The following SACS variants were observed in gnomAD, a reference collection of about 807,000 sequenced individuals.
SACS encodes sacsin.
In SACS, 197 loss-of-function variants were observed where a neutral mutation model predicts 348.0. That is an observed-to-expected ratio of 0.57 (90% CI 0.50 to 0.64). SACS has a LOEUF of 0.64. Ranked by LOEUF, SACS falls within the 30% of genes least tolerant of loss-of-function variation. The pLI, the probability that SACS is intolerant of heterozygous loss-of-function variation, is 0.00. For missense variants in SACS, 4,999 were observed against 5,360.8 expected (o/e 0.93, Z 2.11); for synonymous variants, 1,985 against 1,910.6 (o/e 1.04, Z -1.02).
chr13:23,432,707 A>C lies in SACS; in HGVS notation c.-502+908T>G, dbSNP rs201553016. On this transcript the variant is annotated intron_variant, in intron 1 of 9. Coordinates refer to ENST00000382292, the MANE Select transcript of SACS (RefSeq NM_014363.6). ...TATTTTCATCCATGACCTGTGAATCAATTACTTTTATCTGCACTGATGGAG... is the reference window on the plus strand; with the variant it reads ...TATTTTCATCCATGACCTGTGAATCCATTACTTTTATCTGCACTGATGGAG... Among the ~76,000 whole-genome samples the C allele has an allele frequency of 3.3e-5, 5 of 152,232 alleles. No individual in the cohort carries two copies. The East Asian group carries it at 9.6e-4, about 29-fold the overall frequency.
At chr13:23,396,151 G>A (rs1030331679) in intron 2 of SACS, among the ~76,000 whole-genome samples, 6 of 151,966 alleles carry the variant, frequency 3.9e-5, no homozygotes, top group Non-Finnish European at 8.8e-5. Flanking sequence ...TGGTGAAACC[G>A]TGTCTCTACT....
chr13:23,358,577 G>A, intron 6 of SACS, 96 bp from the exon 7 acceptor site: 1 of 1,354,344 alleles, frequency 7.4e-7, no homozygotes, highest in South Asian at 1.2e-5. Flanking sequence ...CTTATTCGAA[G>A]GGAAAATAGA....
At chr13:23,413,387 T>C (rs1338683113) in intron 1 of SACS, among the ~76,000 whole-genome samples, 3 of 152,240 alleles carry the variant, frequency 2.0e-5, no homozygotes, top group Non-Finnish European at 4.4e-5. Flanking sequence ...TTAGACATTA[T>C]CATACTAAAT....
Position 23,338,688 on chromosome 13 carries a change from T to C in SACS, c.5188A>G (p.Ser1730Gly). 1 of 1,614,018 alleles carries C rather than the reference T, an allele frequency of 6.2e-7. No homozygotes were observed. ...SSKALNTPVL[S>G]VLKEAAKLMK... ...AGCTTAGCAGCCTCTTTTAAAACACTTAAGACAGGTGTGTTCAATGCTTTG... is the reference window on the plus strand; with the variant it reads ...AGCTTAGCAGCCTCTTTTAAAACACCTAAGACAGGTGTGTTCAATGCTTTG... Residue 1730 changes from serine to glycine, a missense_variant, in exon 10 of 10, where the codon AGT becomes GGT. By Grantham distance (56) the Ser-to-Gly change is moderately conservative. Transcript: ENST00000382292.
At chr13:23,372,560 G>T (rs1009793331) in intron 3 of SACS, among the ~76,000 whole-genome samples, 1 of 152,098 alleles carries the variant, frequency 6.6e-6, no homozygotes, top group Non-Finnish European at 1.5e-5. Context: ...CCCAATACAT[G>T]AATTAATTTG....
chr13:23,378,734 G>A (rs900363980), intron 2 of SACS, among the ~76,000 whole-genome samples: 5 of 152,148 alleles, frequency 3.3e-5, no homozygotes, highest in African/African-American at 7.2e-5. Flanking sequence ...GAGCCACCAC[G>A]CCTGGCTCTT....
chr13:23,421,551 G>A (rs941632766), intron 1 of SACS, among the ~76,000 whole-genome samples: 4 of 152,030 alleles, frequency 2.6e-5, no homozygotes, highest in African/African-American at 4.8e-5. Flanking sequence ...CTGAACGTCC[G>A]TCTGAGTCCT....
At position 23,335,870 on chromosome 13, in the gene SACS, T is replaced by C. The variant is rs531228770; in HGVS notation, c.8006A>G (p.Asp2669Gly). ...CTGTGTCCTAAAATCTGCATCCAAA[T>C]CTCTAAACATGCGTCCGGGACTAAT... ...TSISPGRMFR[D>G]LDADFRTQFS... The change falls in exon 10 of 10, where the codon GAT becomes GGT. Residue 2669 changes from aspartate to glycine, a missense_variant. Coordinates refer to ENST00000382292, the MANE Select transcript of SACS (RefSeq NM_014363.6). The surrounding 1 kb of genome is among the most constrained non-coding windows in gnomAD (Gnocchi z 4.7). The C allele has an allele frequency of 9.9e-6, 16 of 1,613,904 alleles. No individual in the cohort carries two copies. The South Asian group carries it at 1.1e-4, about 11-fold the overall frequency.
At chr13:23,386,331 T>C (rs1273945312) in intron 2 of SACS, among the ~76,000 whole-genome samples, 1 of 152,248 alleles carries the variant, frequency 6.6e-6, no homozygotes, top group Non-Finnish European at 1.5e-5. Context: ...CTTGCTGAAG[T>C]TTCCCCATCA....
intron 6 of SACS, among the ~76,000 whole-genome samples, chr13:23,359,059 G>A (rs553606239): frequency 6.6e-6 from 1 of 152,202 alleles, no homozygotes. Flanking sequence ...GCACGCGCCT[G>A]TAATCCCAGC....
Position 23,387,101 on chromosome 13 carries a change from C to T in SACS, c.21-11832G>A, listed in dbSNP as rs116395550. Among the ~76,000 whole-genome samples the T allele has an allele frequency of 6.2e-3, 941 of 152,186 alleles. 12 individuals are homozygous for T. Among genetic ancestry groups the T allele is most frequent in the African/African-American group, 0.022 (897 of 41,524 alleles). On this transcript the variant is annotated intron_variant, in intron 2 of 9. Transcript: ENST00000382292. ...CAGAGACACGCTAACGGAGCACTTG[C>T]TGTTGGGAAAATGGTGCCAACAGAC... is the stretch of plus-strand genomic sequence containing the variant.
intron 2 of SACS, among the ~76,000 whole-genome samples, chr13:23,402,890 A>C (rs1406064679): frequency 6.6e-6 from 1 of 152,158 alleles, no homozygotes; most frequent in Non-Finnish European, 1.5e-5. Context: ...TCAAAAGTTT[A>C]ATCAGGGCCG....
In SACS at chr13:23,333,167, A is replaced by G. The variant is rs763440838; in HGVS notation, c.10709T>C (p.Ile3570Thr). 5.1e-5 allele frequency: 82 copies of G among 1,608,266 alleles called. No homozygotes were observed. The highest frequency in any genetic ancestry group is 6.7e-5 in the East Asian group (3 of 44,848). The change falls in exon 10 of 10, where the codon ATA becomes ACA. Residue 3570 changes from isoleucine (I) to threonine (T), a missense_variant. Physicochemically the swap from Ile to Thr is moderately conservative, Grantham distance 89. Around this residue, in one of 6 missense-constraint regions of SACS, gnomAD observed 831 missense variants for 941.8 expected, o/e 0.88. Coordinates refer to ENST00000382292, the MANE Select transcript of SACS (RefSeq NM_014363.6). ...NDFFKKLEQL[I>T]KPKNHVTFMT... Reference sequence around the variant, plus strand: ...AAATGTAACATGATTTTTGGGTTTTATAAGTTGTTCCAATTTCTTAAAGAA... The same window carrying G: ...AAATGTAACATGATTTTTGGGTTTTGTAAGTTGTTCCAATTTCTTAAAGAA...
Position 23,355,797 on chromosome 13 carries a change from C to G in SACS, c.815G>C (p.Arg272Pro). ...TGAAGGTTGTAGGCGAAGAGGGAAA[C>G]GGAAAAATGTTCCTGGAAAATTGCC... ...INGNFPGTFF[R>P]FPLRLQPSQL... The change falls in exon 8 of 10, where the codon CGT becomes CCT. Residue 272 changes from arginine (R) to proline (P), a missense_variant. By Grantham distance (103) the Arg-to-Pro change is moderately radical. Coordinates refer to ENST00000382292, the MANE Select transcript of SACS (RefSeq NM_014363.6). The G allele has an allele frequency of 1.9e-6, 3 of 1,614,134 alleles. No individual in the cohort carries two copies. Among genetic ancestry groups the G allele is most frequent in the Non-Finnish European group, 2.5e-6 (3 of 1,180,016 alleles).
chr13:23,337,853 G>T lies in SACS; in HGVS notation c.6023C>A (p.Ala2008Asp). 1 of 1,613,908 alleles carries T rather than the reference G, an allele frequency of 6.2e-7. No homozygotes were observed. The change falls in exon 10 of 10, where the codon GCC becomes GAC. Residue 2008 changes from alanine (A) to aspartate (D), a missense_variant. Ala to Asp is a moderately radical substitution (Grantham distance 126). This residue lies in a region of SACS where 3,156 missense variants were observed against 3,380.1 expected (regional missense o/e 0.93). Coordinates refer to ENST00000382292, the MANE Select transcript of SACS (RefSeq NM_014363.6). Reference sequence around the variant, plus strand: ...GAGGTATTTCAAAAATATCTTGAAGGCTGCTGAACCAACATCTCTTCTTTT... The same window carrying T: ...GAGGTATTTCAAAAATATCTTGAAGTCTGCTGAACCAACATCTCTTCTTTT... ...ILKRRDVGSAAFKIFLKYLKK... is the reference protein window; with the variant it reads ...ILKRRDVGSADFKIFLKYLKK...
Position 23,379,340 on chromosome 13 carries a change from AAAG to A in SACS, c.21-4074_21-4072del. 1.3e-5 allele frequency among the ~76,000 whole-genome samples: 2 copies of A among 152,344 alleles called. 1 individual carries two copies. Among genetic ancestry groups the A allele is most frequent in the South Asian group, 4.1e-4 (2 of 4,832 alleles). ...CAGTGCCAGGCACTGGTGTCCCGACAAAGAAGCCTGGTGCCTGTGCTCGGGGAC... is the reference window on the plus strand; with the variant it reads ...CAGTGCCAGGCACTGGTGTCCCGACAAAGCCTGGTGCCTGTGCTCGGGGAC... On this transcript the variant is annotated intron_variant, in intron 2 of 9. Transcript: ENST00000382292.
intron 2 of SACS, among the ~76,000 whole-genome samples, chr13:23,404,406 A>T (rs1873115077): frequency 6.6e-6 from 1 of 152,208 alleles, no homozygotes; most frequent in African/African-American, 2.4e-5. Flanking sequence ...TAAACTAGGT[A>T]TTCATGGAAT....
At chr13:23,347,391 G>C (rs896871032) in intron 9 of SACS, among the ~76,000 whole-genome samples, 1 of 151,964 alleles carries the variant, frequency 6.6e-6, no homozygotes, top group Non-Finnish European at 1.5e-5. Context: ...TCCTCTGCTT[G>C]AATGAAGCAA....
chr13:23,377,596 G>A (rs771420942), intron 2 of SACS, among the ~76,000 whole-genome samples: 4 of 152,084 alleles, frequency 2.6e-5, no homozygotes, highest in Non-Finnish European at 4.4e-5. Context: ...CACATTTCCT[G>A]CCAGGCTCCA....
Sources: allele counts gnomAD v4.1 joint callset (sites outside exome capture counted in the v4.1 genomes callset), GRCh38; gene constraint gnomAD v4.1.1; regional missense constraint gnomAD v4.1.1; non-coding constraint Gnocchi (gnomAD v3.1); transcripts MANE v1.5; gene names NCBI Gene and HGNC (gene_info 2026-07-23, HGNC 2026-07-21).